The following KIAA1217 variants were observed in gnomAD, a reference collection of about 807,000 sequenced individuals.
KIAA1217 encodes the protein sickle tail protein homolog.
Under a neutral mutation model 163.9 loss-of-function variants are expected in KIAA1217, and 88 were observed. The observed-to-expected ratio is 0.54, with a 90% CI of 0.45 to 0.64. The LOEUF (loss-of-function observed/expected upper bound fraction) is 0.64, where lower values mean the gene tolerates loss of function less well. KIAA1217 is among the 30% of genes least tolerant of loss of function. The pLI is 0.00. For missense variants in KIAA1217, 2,372 were observed against 2,475.0 expected (o/e 0.96, Z 0.88); for synonymous variants, 903 against 923.1 (o/e 0.98, Z 0.39).
intron 1 of KIAA1217, among the ~76,000 whole-genome samples, chr10:23,759,571 G>A (rs1345604355): frequency 6.6e-6 from 1 of 152,066 alleles, no homozygotes; most frequent in East Asian, 1.9e-4. Context: ...TTTACGATGA[G>A]GTACATTAGT....
At chr10:24,046,999 T>G (rs1241796277) in intron 2 of KIAA1217, among the ~76,000 whole-genome samples, 1 of 152,240 alleles carries the variant, frequency 6.6e-6, no homozygotes, top group Non-Finnish European at 1.5e-5. Flanking sequence ...AATAAGCTCT[T>G]CTGCTTTCAG....
intron 1 of KIAA1217, among the ~76,000 whole-genome samples, chr10:23,919,457 T>C (rs970726886): frequency 1.3e-5 from 2 of 151,648 alleles, no homozygotes; most frequent in African/African-American, 4.8e-5. Context: ...AATACAAAAA[T>C]TATCTGGGTG....
intron 2 of KIAA1217, among the ~76,000 whole-genome samples, chr10:24,365,990 A>G (rs751541263): frequency 6.6e-6 from 1 of 152,206 alleles, no homozygotes; most frequent in Non-Finnish European, 1.5e-5. Flanking sequence ...CCTTATGGAT[A>G]TGTGTATATG....
At chr10:23,835,261 G>T (rs1838389688) in intron 1 of KIAA1217, among the ~76,000 whole-genome samples, 1 of 152,122 alleles carries the variant, frequency 6.6e-6, no homozygotes, top group African/African-American at 2.4e-5. Flanking sequence ...AGACTTTCAA[G>T]AGGAGAAAGA....
At position 23,891,759 on chromosome 10, in the gene KIAA1217, T is replaced by A. The variant is rs887408252; in HGVS notation, c.-320-115466T>A. 3.3e-5 allele frequency among the ~76,000 whole-genome samples: 5 copies of A among 151,994 alleles called. No individual in the cohort carries two copies. The South Asian group carries it at 1.0e-3, about 31-fold the overall frequency. On this transcript the variant is annotated intron_variant, in intron 1 of 18. Transcript: ENST00000376462. ...AGTGTTCTGGTTTCAGAACTATTTA[T>A]TTTTTGTACTTCTTAGTTTAAAAAT...
intron 5 of KIAA1217, among the ~76,000 whole-genome samples, chr10:24,459,555 A>G (rs1268095558): frequency 2.0e-5 from 3 of 152,148 alleles, no homozygotes; most frequent in East Asian, 1.9e-4. Flanking sequence ...CTGTAAATAT[A>G]TGGACCCACA....
At chr10:24,452,374 A>G (rs1239471138) in intron 5 of KIAA1217, among the ~76,000 whole-genome samples, 1 of 152,144 alleles carries the variant, frequency 6.6e-6, no homozygotes, top group Non-Finnish European at 1.5e-5. Context: ...AAAATCATTT[A>G]GCAGGAATGA....
At chr10:23,724,729 C>T (rs1229964550) in intron 1 of KIAA1217, among the ~76,000 whole-genome samples, 2 of 152,144 alleles carry the variant, frequency 1.3e-5, no homozygotes, top group Non-Finnish European at 2.9e-5. Context: ...CTCTTTAAGC[C>T]GTTCTGTTTC....
At chr10:23,841,852 T>TTTTAC (rs1838803248) in intron 1 of KIAA1217, among the ~76,000 whole-genome samples, 1 of 149,278 alleles carries the variant, frequency 6.7e-6, no homozygotes, top group African/African-American at 2.5e-5. Context: ...TTTTATTTTA[T>TTTTAC]TTTATTTTAT....
rs1843834504 is a variant in KIAA1217 at position 23,942,772 on chromosome 10, A to G, written c.-320-64453A>G. On this transcript the variant is annotated intron_variant, in intron 1 of 18. Transcript: ENST00000376462. ...AATGATGCATACTCTCCTGACTTCT[A>G]TTCAACACAGTATTGAAAATCCTAG... Among the ~76,000 whole-genome samples the G allele has an allele frequency of 2.6e-5, 4 of 152,280 alleles. No individual in the cohort carries two copies. The South Asian group carries it at 8.3e-4, about 32-fold the overall frequency.
chr10:24,320,351 G>T (rs1234270283), intron 2 of KIAA1217, among the ~76,000 whole-genome samples: 1 of 152,240 alleles, frequency 6.6e-6, no homozygotes, highest in Non-Finnish European at 1.5e-5. Context: ...GCCTGATGCT[G>T]ATTACTTTCT....
rs368339287 is a variant in KIAA1217, at chr10:23,866,586, C to G, written c.-320-140639C>G. Among the ~76,000 whole-genome samples the G allele has an allele frequency of 3.3e-5, 5 of 152,136 alleles. 1 individual carries two copies. In the East Asian group the frequency reaches 5.8e-4, roughly 18 times the overall value. On this transcript the variant is annotated intron_variant, in intron 1 of 18. Coordinates refer to the KIAA1217 transcript ENST00000376462. ...ACCCTTTTCCCAGGCTTATCTCCCC[C>G]TCCTGGGAAGGACCCATCCCACCGT...
At chr10:24,446,355 G>T (rs1489822090) in intron 5 of KIAA1217, among the ~76,000 whole-genome samples, 1 of 151,198 alleles carries the variant, frequency 6.6e-6, no homozygotes, top group Non-Finnish European at 1.5e-5. Flanking sequence ...ATTTAATTTT[G>T]CTTCATTCTC....
chr10:23,762,201 C>T (rs777906114), intron 1 of KIAA1217, among the ~76,000 whole-genome samples: 1 of 152,042 alleles, frequency 6.6e-6, no homozygotes, highest in Non-Finnish European at 1.5e-5. Flanking sequence ...CAAAGGGGAG[C>T]TGATACCATT....
At chr10:23,864,487 A>AT (rs1840091268) in intron 1 of KIAA1217, among the ~76,000 whole-genome samples, 1 of 148,616 alleles carries the variant, frequency 6.7e-6, no homozygotes, top group Non-Finnish European at 1.5e-5. Context: ...TTTATTCTAG[A>AT]TTTTTTCCAT....
intron 1 of KIAA1217, among the ~76,000 whole-genome samples, chr10:23,914,262 A>G (rs1842553375): frequency 6.6e-6 from 1 of 152,136 alleles, no homozygotes; most frequent in Non-Finnish European, 1.5e-5. Context: ...GTGATGGGCC[A>G]CATCTGAGGT....
chr10:24,330,083 T>C (rs2045463183), intron 2 of KIAA1217, among the ~76,000 whole-genome samples: 1 of 152,118 alleles, frequency 6.6e-6, no homozygotes, highest in Non-Finnish European at 1.5e-5. Flanking sequence ...GTTGATCACC[T>C]GAGGTCAGGA....
At chr10:23,881,810 A>C (rs1840960844) in intron 1 of KIAA1217, among the ~76,000 whole-genome samples, 1 of 151,822 alleles carries the variant, frequency 6.6e-6, no homozygotes, top group African/African-American at 2.4e-5. Context: ...AGAACCTGGC[A>C]TGGTGGGTCC....
At position 24,065,010 on chromosome 10, in the gene KIAA1217, C is replaced by T. The variant is rs200801632; in HGVS notation, c.-171+57636C>T. Among the ~76,000 whole-genome samples the T allele has an allele frequency of 2.0e-4, 31 of 152,022 alleles. No homozygotes were observed. The East Asian group carries it at 4.6e-3, about 23-fold the overall frequency. On this transcript the variant is annotated intron_variant, in intron 2 of 18. Coordinates refer to the KIAA1217 transcript ENST00000376462. The stretch of plus-strand genomic sequence containing the variant: ...ATATCACCTTTGTCATTTTTTATTG[C>T]GTCTATTTGATTCTTCTCTCTTTTC...
Sources: gnomAD v4.1 joint callset for allele counts (sites outside exome capture counted in the v4.1 genomes callset) on GRCh38, gnomAD v4.1.1 for gene constraint, MANE v1.5 for transcripts, NCBI Gene and HGNC (gene_info 2026-07-23, HGNC 2026-07-21) for gene names.